Variants in NALF1 observed in about 807,000 individuals in gnomAD.
NALF1 encodes the protein family with sequence similarity 155 member A.
Under a neutral mutation model 48.4 loss-of-function variants are expected in NALF1, and 3 were observed. The observed-to-expected ratio is 0.06, with a 90% CI of 0.03 to 0.16. The LOEUF (loss-of-function observed/expected upper bound fraction) is 0.16, where lower values mean the gene tolerates loss of function less well. NALF1 is among the 10% of genes least tolerant of loss of function. NALF1 has a pLI of 1.00. For synonymous variants in NALF1, 262 were observed against 245.7 expected (o/e 1.07, Z -0.62); for missense variants, 526 against 571.5 (o/e 0.92, Z 0.81).
At chr13:107,489,606 G>A (rs537397278) in intron 1 of NALF1, among the ~76,000 whole-genome samples, 43 of 152,050 alleles carry the variant, frequency 2.8e-4, no homozygotes, top group Admixed American at 4.6e-4. Context: ...CTTACACCAT[G>A]CACAAAAATT....
chr13:107,223,693 C>T lies in NALF1; in HGVS notation c.916-12938G>A, dbSNP rs183483309. On this transcript the variant is annotated intron_variant, in intron 1 of 2. Coordinates refer to ENST00000375915, the MANE Select transcript of NALF1 (RefSeq NM_001080396.3). The stretch of plus-strand genomic sequence containing the variant: ...CTCCCTGTGTTCCATTGACTTGCTG[C>T]GGTCTAACCCCTGTGAAGTTAGTAT... Among the ~76,000 whole-genome samples, 36 of 152,246 alleles carry T rather than the reference C, an allele frequency of 2.4e-4. No homozygotes were observed. The East Asian group carries it at 3.5e-3, about 15-fold the overall frequency.
chr13:107,260,160 A>G (rs140538934), intron 1 of NALF1, among the ~76,000 whole-genome samples: 3 of 152,342 alleles, frequency 2.0e-5, no homozygotes, highest in Non-Finnish European at 4.4e-5. Context: ...CATGTTCATG[A>G]CTAAACCTAT....
intron 1 of NALF1, among the ~76,000 whole-genome samples, chr13:107,336,826 CTA>C (rs1882566851): frequency 6.6e-6 from 1 of 152,098 alleles, no homozygotes; most frequent in African/African-American, 2.4e-5. Flanking sequence ...CCCCCTTACT[CTA>C]TTACACAGTT....
chr13:107,182,255 T>TGTGTGTGTGTGTCC (rs1555325201), intron 2 of NALF1, among the ~76,000 whole-genome samples: 2 of 132,490 alleles, frequency 1.5e-5, no homozygotes, highest in African/African-American at 5.8e-5. Context: ...TGTGTGTCCG[T>TGTGTGTGTGTGTCC]GTGTGTGTGT....
intron 1 of NALF1, among the ~76,000 whole-genome samples, chr13:107,805,768 A>G (rs1265445331): frequency 6.6e-6 from 1 of 152,212 alleles, no homozygotes; most frequent in Non-Finnish European, 1.5e-5. Flanking sequence ...GAAGTCTTGA[A>G]TATACATTTT....
intron 1 of NALF1, among the ~76,000 whole-genome samples, chr13:107,287,706 C>CTTTTT (rs59607599): frequency 6.3e-5 from 8 of 127,890 alleles, no homozygotes; most frequent in Admixed American, 2.5e-4. Flanking sequence ...TCTTTTCTTT[C>CTTTTT]TTTTTTTTTT....
chr13:107,558,933 C>A (rs1277158085), intron 1 of NALF1, among the ~76,000 whole-genome samples: 2 of 152,146 alleles, frequency 1.3e-5, no homozygotes, highest in African/African-American at 4.8e-5. Context: ...CAGACTGGGA[C>A]CACACCCTTG....
intron 1 of NALF1, among the ~76,000 whole-genome samples, chr13:107,281,201 G>C (rs1881379073): frequency 6.6e-6 from 1 of 152,058 alleles, no homozygotes; most frequent in Non-Finnish European, 1.5e-5. Flanking sequence ...TGCTCTTAAG[G>C]GACTCACAAT....
chr13:107,649,595 C>T (rs1880396639), intron 1 of NALF1, among the ~76,000 whole-genome samples: 1 of 152,126 alleles, frequency 6.6e-6, no homozygotes, highest in Non-Finnish European at 1.5e-5. Flanking sequence ...CATATACTTA[C>T]CTTTATTCAA....
chr13:107,676,226 A>C (rs1362673839), intron 1 of NALF1, among the ~76,000 whole-genome samples: 1 of 152,208 alleles, frequency 6.6e-6, no homozygotes, highest in African/African-American at 2.4e-5. Flanking sequence ...TAACCTTTCC[A>C]GTATATTTGC....
At chr13:107,313,628 G>C (rs566565888) in intron 1 of NALF1, among the ~76,000 whole-genome samples, 92 of 152,270 alleles carry the variant, frequency 6.0e-4, no homozygotes, top group African/African-American at 2.1e-3. Context: ...GCTCACCTGA[G>C]ACAAATGCAT....
At chr13:107,660,268 T>A (rs1231775870) in intron 1 of NALF1, among the ~76,000 whole-genome samples, 1 of 151,358 alleles carries the variant, frequency 6.6e-6, no homozygotes, top group Non-Finnish European at 1.5e-5. Flanking sequence ...TGAAACCCCG[T>A]CTCTACCAAA....
intron 1 of NALF1, among the ~76,000 whole-genome samples, chr13:107,802,278 A>C (rs1164815218): frequency 3.3e-5 from 5 of 152,084 alleles, no homozygotes; most frequent in Admixed American, 3.3e-4. Context: ...AGATACCTCT[A>C]GAAAAATATT....
chr13:107,232,133 C>T (rs1880240038), intron 1 of NALF1, among the ~76,000 whole-genome samples: 1 of 152,176 alleles, frequency 6.6e-6, no homozygotes, highest in Admixed American at 6.5e-5. Context: ...CAAATGACAG[C>T]AATTTCCTCC....
intron 2 of NALF1, among the ~76,000 whole-genome samples, chr13:107,194,561 C>T (rs1456297419): frequency 6.6e-6 from 1 of 152,108 alleles, no homozygotes; most frequent in Non-Finnish European, 1.5e-5. Context: ...TCACCTTATA[C>T]AAAAATCAAC....
intron 1 of NALF1, among the ~76,000 whole-genome samples, chr13:107,696,177 G>A (rs1278678309): frequency 6.6e-6 from 1 of 152,176 alleles, no homozygotes; most frequent in African/African-American, 2.4e-5. Flanking sequence ...GATTATAGGC[G>A]TGAGCCACTG....
intron 1 of NALF1, among the ~76,000 whole-genome samples, chr13:107,359,241 A>G (rs1176779516): frequency 6.6e-6 from 1 of 152,058 alleles, no homozygotes; most frequent in Non-Finnish European, 1.5e-5. Context: ...CCTACAGTGA[A>G]TATCTCTCAT....
At chr13:107,299,030 T>C (rs1221253405) in intron 1 of NALF1, among the ~76,000 whole-genome samples, 1 of 152,160 alleles carries the variant, frequency 6.6e-6, no homozygotes, top group Non-Finnish European at 1.5e-5. Context: ...TCTCAATCAG[T>C]GACAATTTTC....
rs77974273 is a variant in NALF1 at position 107,204,649 on chromosome 13, A to G, written c.1087+5935T>C. Among the ~76,000 whole-genome samples the G allele has an allele frequency of 2.0e-3, 298 of 152,380 alleles. 2 individuals are homozygous for G. The East Asian group carries it at 0.039, about 20-fold the overall frequency. ...AAACCTCAAAAAGTACAATGTTTTA[A>G]TGGAAGAAGATGTCACGAACATATG... On this transcript the variant is annotated intron_variant, in intron 2 of 2. Coordinates refer to ENST00000375915, the MANE Select transcript of NALF1 (RefSeq NM_001080396.3).
Sources: gnomAD v4.1 joint callset for allele counts (sites outside exome capture counted in the v4.1 genomes callset) on GRCh38, gnomAD v4.1.1 for gene constraint, MANE v1.5 for transcripts, NCBI Gene and HGNC (gene_info 2026-07-23, HGNC 2026-07-21) for gene names.